SLC35D1: variants seen among roughly 807,000 people sequenced by gnomAD.
The protein encoded by SLC35D1 is solute carrier family 35 member D1.
SLC35D1 carries 31 observed loss-of-function variants against 46.7 expected under a neutral mutation model. That is an observed-to-expected ratio of 0.66 (90% CI 0.50 to 0.90). The LOEUF (loss-of-function observed/expected upper bound fraction) is 0.90. SLC35D1 is among the 40% of genes least tolerant of loss of function. The pLI, the probability that SLC35D1 is intolerant of heterozygous loss-of-function variation, is 0.00. For synonymous variants in SLC35D1, 195 were observed against 164.6 expected (o/e 1.18, Z -1.41); for missense variants, 397 against 426.2 (o/e 0.93, Z 0.60).
chr1:67,012,545 CAAAAAAAAA>C (rs10674963), intron 10 of SLC35D1, among the ~76,000 whole-genome samples: 1 of 103,208 alleles, frequency 9.7e-6, no homozygotes, highest in Non-Finnish European at 1.9e-5. Context: ...ACTCCTAAAT[CAAAAAAAAA>C]AAAAAAAAAA....
Position 67,054,085 on chromosome 1 carries a change from G to T in SLC35D1, c.-72C>A. The T allele has an allele frequency of 2.0e-6, 3 of 1,506,900 alleles. No homozygotes were observed. In the South Asian group the frequency reaches 3.5e-5, roughly 17 times the overall value. 93.3% of individuals were successfully genotyped at this position (1,506,900 alleles called of 1,614,324 possible). On this transcript the variant is annotated 5_prime_UTR_variant, in exon 1 of 12. Coordinates refer to ENST00000235345, the MANE Select transcript of SLC35D1 (RefSeq NM_015139.3). ...GGGCCTGCAGCGGCAGCTCCCAGGG[G>T]ACTCCAGGAGTTGGGGACCGCAGAC...
intron 8 of SLC35D1, among the ~76,000 whole-genome samples, chr1:67,033,559 CA>C (rs1034983876): frequency 6.6e-6 from 1 of 152,072 alleles, no homozygotes; most frequent in Admixed American, 6.6e-5. Context: ...GATCTTTTGC[CA>C]ATTATTTTAA....
chr1:66,999,103 A>C (rs1570598362), downstream of SLC35D1, among the ~76,000 whole-genome samples: 4 of 152,304 alleles, frequency 2.6e-5, no homozygotes, highest in African/African-American at 7.2e-5. Context: ...CTTGATGAGT[A>C]AAGCTACTCA....
At chr1:67,008,909 C>CT (rs1667506211) in intron 11 of SLC35D1, among the ~76,000 whole-genome samples, 176 bp downstream of exon 11, 1 of 152,156 alleles carries the variant, frequency 6.6e-6, no homozygotes, top group Admixed American at 6.5e-5. Flanking sequence ...TGCCCAACCT[C>CT]TCCCTGCTTC....
At chr1:67,050,867 A>C (rs1645301918) in intron 4 of SLC35D1, among the ~76,000 whole-genome samples, 3 of 152,156 alleles carry the variant, frequency 2.0e-5, no homozygotes, top group Non-Finnish European at 4.4e-5. Context: ...ATCTATGAAA[A>C]TCTTACCCCA....
At position 67,021,529 on chromosome 1, in the gene SLC35D1, G is replaced by A. The variant is rs751131592; in HGVS notation, c.797+6C>T. 3 of 1,613,658 alleles carry A rather than the reference G, an allele frequency of 1.9e-6. No homozygotes were observed. Among genetic ancestry groups the A allele is most frequent in the Non-Finnish European group, 2.5e-6 (3 of 1,179,794 alleles). On this transcript the variant is annotated splice_donor_region_variant and intron_variant, in intron 9 of 11. Transcript: ENST00000235345. ...ACTATCTGCTAACAAGGTAACAAAG[G>A]CTTACCCCATCACACAGGAGAGGGT...
intron 8 of SLC35D1, 143 bp from the exon 9 acceptor site, chr1:67,021,745 A>G: frequency 1.4e-6 from 1 of 714,172 alleles, no homozygotes; most frequent in Non-Finnish European, 2.5e-6. Flanking sequence ...ACACACACAC[A>G]CACACACACA....
At chr1:67,014,239 C>T (rs927097891) in intron 10 of SLC35D1, among the ~76,000 whole-genome samples, 5 of 152,186 alleles carry the variant, frequency 3.3e-5, no homozygotes, top group African/African-American at 9.7e-5. Context: ...TAATCTTCCA[C>T]TAACACATTC....
chr1:67,050,904 G>T (rs981286096), intron 4 of SLC35D1, among the ~76,000 whole-genome samples: 2 of 152,038 alleles, frequency 1.3e-5, no homozygotes, highest in Admixed American at 1.3e-4. Flanking sequence ...TCCTTTTGTG[G>T]ATGTAATTTT....
chr1:67,054,135 T>G lies in SLC35D1; in HGVS notation c.-122A>C. The G allele has an allele frequency of 2.1e-6, 2 of 960,708 alleles. No homozygotes were observed. Among genetic ancestry groups the G allele is most frequent in the East Asian group, 2.7e-5 (1 of 37,318 alleles). 59.5% of individuals were successfully genotyped at this position (960,708 alleles called of 1,614,324 possible). A position where few individuals can be genotyped will look rare whatever the true frequency, so the allele number is the denominator to read the frequency against. ...CTAGGCCAGCTGCGCGCTCGCCGCC[T>G]CGACTCCCCGCTTGGCCGCCGCCTG... On this transcript the variant is annotated 5_prime_UTR_variant, in exon 1 of 12. Coordinates refer to ENST00000235345, the MANE Select transcript of SLC35D1 (RefSeq NM_015139.3).
chr1:67,053,422 C>G (rs1645332940), intron 1 of SLC35D1, among the ~76,000 whole-genome samples: 1 of 152,212 alleles, frequency 6.6e-6, no homozygotes, highest in Admixed American at 6.5e-5. Flanking sequence ...AGCCCCGGCC[C>G]CCTGTCCAGG....
intron 8 of SLC35D1, among the ~76,000 whole-genome samples, chr1:67,030,005 C>G (rs1667985786): frequency 6.6e-6 from 1 of 151,468 alleles, no homozygotes; most frequent in Non-Finnish European, 1.5e-5. Flanking sequence ...TAGCTTTGCA[C>G]TAAGTTTTTT....
chr1:67,023,557 C>T (rs1667855645), intron 8 of SLC35D1, among the ~76,000 whole-genome samples: 1 of 150,710 alleles, frequency 6.6e-6, no homozygotes, highest in East Asian at 2.0e-4. Flanking sequence ...GTGATCTCAG[C>T]TCACTACAAC....
intron 8 of SLC35D1, among the ~76,000 whole-genome samples, chr1:67,033,298 CTCCAA>C (rs1668055792): frequency 6.6e-6 from 1 of 152,064 alleles, no homozygotes; most frequent in African/African-American, 2.4e-5. Context: ...TTTGAGGAAC[CTCCAA>C]ACTGTTCTCC....
At chr1:66,995,692 C>T (rs765685602), downstream of SLC35D1, among the ~76,000 whole-genome samples, 36 of 151,942 alleles carry the variant, frequency 2.4e-4, no homozygotes, top group Non-Finnish European at 4.3e-4. Context: ...GGGCTGTCCC[C>T]GCCAGTATTT....
the SLC35D1 span, chr1:66,984,947 A>G: frequency 6.6e-7 from 1 of 1,519,356 alleles, no homozygotes; most frequent in East Asian, 2.3e-5. Context: ...TGGTGTGACT[A>G]AAATTTTCAG....
intron 6 of SLC35D1, among the ~76,000 whole-genome samples, chr1:67,049,542 AACG>A (rs1645286306): frequency 1.3e-5 from 2 of 152,256 alleles, no homozygotes; most frequent in South Asian, 2.1e-4. Context: ...TGCTCAGCAC[AACG>A]ACAGTAACAA....
chr1:66,977,989 G>A, the SLC35D1 span, among the ~76,000 whole-genome samples: 3 of 151,958 alleles, frequency 2.0e-5, no homozygotes, highest in Admixed American at 1.3e-4. Flanking sequence ...ACAAGGTCAG[G>A]AGTTTGAGAC....
chr1:67,029,436 T>A (rs1667975633), intron 8 of SLC35D1, among the ~76,000 whole-genome samples: 1 of 152,198 alleles, frequency 6.6e-6, no homozygotes, highest in Non-Finnish European at 1.5e-5. Flanking sequence ...CACAACCTCC[T>A]CTCTGATGAA....
Sources: gnomAD v4.1 joint callset for allele counts (sites outside exome capture counted in the v4.1 genomes callset) on GRCh38, gnomAD v4.1.1 for gene constraint, MANE v1.5 for transcripts, NCBI Gene and HGNC (gene_info 2026-07-23, HGNC 2026-07-21) for gene names.